The following SYT6 variants were observed in gnomAD, a reference collection of about 807,000 sequenced individuals.
SYT6 encodes the protein synaptotagmin-6.
In SYT6, 24 loss-of-function variants were observed where a neutral mutation model predicts 38.4. That is an observed-to-expected ratio of 0.62 (90% CI 0.45 to 0.88). SYT6 has a LOEUF of 0.88. Among genes scored for constraint, SYT6 ranks in the 40% least tolerant of loss-of-function variants. The pLI is 0.00. For synonymous variants in SYT6, 265 were observed against 241.9 expected, an observed-to-expected ratio of 1.10 and a Z score of -0.89; for missense variants, 611 against 621.0, an observed-to-expected ratio of 0.98 and a Z score of 0.17.
chr1:114,144,778 G>A (rs1387101332), intron 1 of SYT6, among the ~76,000 whole-genome samples: 1 of 152,002 alleles, frequency 6.6e-6, no homozygotes, highest in Non-Finnish European at 1.5e-5. Context: ...CCCACATCAG[G>A]GGCCAAGAAG....
chr1:114,125,707 T>C (rs766824923), intron 3 of SYT6, among the ~76,000 whole-genome samples: 5 of 152,216 alleles, frequency 3.3e-5, no homozygotes, highest in Admixed American at 6.5e-5. Flanking sequence ...ACCTATACTC[T>C]ACAGCTCACC....
intron 1 of SYT6, among the ~76,000 whole-genome samples, chr1:114,142,674 G>A (rs376323992): frequency 6.6e-6 from 1 of 152,114 alleles, no homozygotes; most frequent in African/African-American, 2.4e-5. Flanking sequence ...GTCCATTGAC[G>A]CAGCAAACTC....
chr1:114,119,734 G>A (rs1677260471), intron 3 of SYT6, among the ~76,000 whole-genome samples: 1 of 152,138 alleles, frequency 6.6e-6, no homozygotes, highest in Non-Finnish European at 1.5e-5. Context: ...GACTGAGCAG[G>A]GTTTGACGGG....
At chr1:114,135,949 T>G (rs928788417) in intron 3 of SYT6, among the ~76,000 whole-genome samples, 1 of 152,064 alleles carries the variant, frequency 6.6e-6, no homozygotes, top group Non-Finnish European at 1.5e-5. Context: ...ATTTATGGAG[T>G]GGAGCGCTCG....
chr1:114,090,301 G>T lies in SYT6; in HGVS notation c.*1833C>A, dbSNP rs1405049298. ...GACTAGGAAGGCCTGTCAATGACAA[G>T]ATATCTGGGGAGAAAAGTCATCTTT... On this transcript the variant is annotated 3_prime_UTR_variant, in exon 8 of 8. Coordinates refer to ENST00000610222, the MANE Select transcript of SYT6 (RefSeq NM_001253772.2). 6.6e-6 allele frequency: 1 copy of T among 152,364 alleles called. No homozygotes were observed. Among genetic ancestry groups the T allele is most frequent in the Non-Finnish European group, 1.5e-5 (1 of 68,038 alleles). The allele number at this position is 152,364 out of a possible 1,614,324, so 9.4% of individuals were successfully genotyped here.
chr1:114,115,713 C>G (rs1000274742), intron 3 of SYT6, among the ~76,000 whole-genome samples: 7 of 152,172 alleles, frequency 4.6e-5, no homozygotes, highest in Admixed American at 4.6e-4. Context: ...CTGCACCCAG[C>G]TCTTAACACA....
chr1:114,133,278 T>A (rs1162116731), intron 3 of SYT6, among the ~76,000 whole-genome samples: 1 of 152,014 alleles, frequency 6.6e-6, no homozygotes, highest in Non-Finnish European at 1.5e-5. Context: ...GCACAGCACA[T>A]ATTTATGGCC....
chr1:114,117,137 T>C (rs1037644805), intron 3 of SYT6, among the ~76,000 whole-genome samples: 2 of 152,228 alleles, frequency 1.3e-5, no homozygotes, highest in African/African-American at 4.8e-5. Context: ...GCCCTGCTGC[T>C]TTCCAGCTGT....
intron 1 of SYT6, among the ~76,000 whole-genome samples, chr1:114,144,283 C>T (rs1571899977): frequency 6.6e-6 from 1 of 152,170 alleles, no homozygotes; most frequent in Non-Finnish European, 1.5e-5. Flanking sequence ...AGTTTGAAGC[C>T]TCTGTATTAG....
intron 1 of SYT6, among the ~76,000 whole-genome samples, chr1:114,144,519 G>A (rs1182110052): frequency 2.0e-5 from 3 of 152,130 alleles, no homozygotes; most frequent in African/African-American, 7.2e-5. Flanking sequence ...TAAACTGTAG[G>A]CTACTATGAC....
chr1:114,124,352 C>A (rs780721188), intron 3 of SYT6, among the ~76,000 whole-genome samples: 1 of 152,142 alleles, frequency 6.6e-6, no homozygotes, highest in Non-Finnish European at 1.5e-5. Context: ...GGGGCCGGAA[C>A]TGAGCTACAC....
At position 114,089,563 on chromosome 1, in the gene SYT6, GT is replaced by G. The variant is rs1429514042; in HGVS notation, c.*2570del. 1 of 152,296 alleles carries G rather than the reference GT, an allele frequency of 6.6e-6. No individual in the cohort carries two copies. The highest frequency in any genetic ancestry group is 1.5e-5 in the Non-Finnish European group (1 of 68,024). 9.4% of individuals were successfully genotyped at this position (152,296 alleles called of 1,614,324 possible). A position where few individuals can be genotyped will look rare whatever the true frequency, so the allele number is the denominator to read the frequency against. On this transcript the variant is annotated 3_prime_UTR_variant, in exon 8 of 8. Coordinates refer to ENST00000610222, the MANE Select transcript of SYT6 (RefSeq NM_001253772.2). ...AAAGCTCACAGCAACAACCCGAGAG[GT>G]TTCTCCGGCCAGAGAAAGCCAACAA...
intron 1 of SYT6, among the ~76,000 whole-genome samples, chr1:114,149,353 A>T (rs1299023695): frequency 9.6e-6 from 1 of 104,176 alleles, no homozygotes; most frequent in African/African-American, 4.0e-5. Context: ...ATTAAAATTC[A>T]GGGCTGGGGG....
intron 1 of SYT6, among the ~76,000 whole-genome samples, chr1:114,146,522 G>A (rs1251691053): frequency 6.6e-6 from 1 of 152,150 alleles, no homozygotes; most frequent in Non-Finnish European, 1.5e-5. Context: ...TTGACCCCTT[G>A]AGGCAGCTAG....
intron 3 of SYT6, among the ~76,000 whole-genome samples, chr1:114,107,220 C>T (rs920283248): frequency 1.3e-5 from 2 of 152,158 alleles, no homozygotes; most frequent in Non-Finnish European, 1.5e-5. Flanking sequence ...TATGAGGGGT[C>T]CCTCGGGGTA....
At chr1:114,137,384 T>A (rs1678543447) in intron 3 of SYT6, 111 bp downstream of exon 3, 1 of 1,293,580 alleles carries the variant, frequency 7.7e-7, no homozygotes, top group Non-Finnish European at 1.1e-6. Flanking sequence ...CCTCTTCACA[T>A]CCCAAATGGC....
intron 1 of SYT6, among the ~76,000 whole-genome samples, chr1:114,143,305 T>A (rs1306789502): frequency 6.7e-6 from 1 of 149,266 alleles, no homozygotes; most frequent in Non-Finnish European, 1.5e-5. Context: ...AAGTTATATA[T>A]ATGTTTACAT....
chr1:114,136,184 CT>C (rs1182738641), intron 3 of SYT6, among the ~76,000 whole-genome samples: 2 of 152,292 alleles, frequency 1.3e-5, no homozygotes, highest in East Asian at 3.9e-4. Context: ...GCCCACTAAG[CT>C]TTCTCTCTTT....
intron 3 of SYT6, among the ~76,000 whole-genome samples, chr1:114,120,409 A>C (rs2101037482): frequency 6.6e-6 from 1 of 152,226 alleles, no homozygotes; most frequent in Non-Finnish European, 1.5e-5. Context: ...GTTGTGTGGC[A>C]GGTTTGGAGG....
Sources: gnomAD v4.1 joint callset for allele counts (sites outside exome capture counted in the v4.1 genomes callset) on GRCh38, gnomAD v4.1.1 for gene constraint, MANE v1.5 for transcripts, NCBI Gene and HGNC (gene_info 2026-07-23, HGNC 2026-07-21) for gene names.